Variants in CSNK1G1 observed in about 807,000 individuals in gnomAD.
The protein encoded by CSNK1G1 is casein kinase I isoform gamma-1.
A neutral mutation model predicts 59.6 loss-of-function variants in CSNK1G1; 22 were observed. That is an observed-to-expected ratio of 0.37 (90% CI 0.26 to 0.53). The LOEUF (loss-of-function observed/expected upper bound fraction) is 0.53, where lower values mean the gene tolerates loss of function less well. CSNK1G1 is among the 20% of genes least tolerant of loss of function. The probability of loss-of-function intolerance (pLI) is 0.89; values close to 1 mark genes in which losing one functional copy is unlikely to be tolerated. For missense variants in CSNK1G1, 384 were observed against 519.5 expected (o/e 0.74, Z 2.54); for synonymous variants, 179 against 177.1 (o/e 1.01, Z -0.08).
chr15:64,211,650 A>T (rs990877187), intron 6 of CSNK1G1, among the ~76,000 whole-genome samples: 2 of 152,248 alleles, frequency 1.3e-5, no homozygotes, highest in Non-Finnish European at 1.5e-5. Flanking sequence ...CATTTTACAT[A>T]CATTATCTCA....
chr15:64,296,432 A>G (rs1046859926), intron 2 of CSNK1G1, among the ~76,000 whole-genome samples: 1 of 152,106 alleles, frequency 6.6e-6, no homozygotes, highest in Non-Finnish European at 1.5e-5. Flanking sequence ...CCAATCTGCT[A>G]TATTATCACT....
intron 6 of CSNK1G1, among the ~76,000 whole-genome samples, chr15:64,213,629 T>C (rs2082274950): frequency 6.6e-6 from 1 of 152,190 alleles, no homozygotes. Flanking sequence ...TGCTATCCTC[T>C]TTTTACAATA....
At chr15:64,243,114 G>T (rs770683048) in intron 4 of CSNK1G1, among the ~76,000 whole-genome samples, 9 of 152,050 alleles carry the variant, frequency 5.9e-5, no homozygotes, top group Non-Finnish European at 4.4e-5. Flanking sequence ...GAGGAGGGCG[G>T]ATCATGAGGT....
chr15:64,281,802 G>C lies in CSNK1G1; in HGVS notation c.181+18517C>G, dbSNP rs1266374443. Among the ~76,000 whole-genome samples the C allele has an allele frequency of 1.5e-4, 18 of 119,576 alleles. No individual in the cohort carries two copies. The South Asian group carries it at 4.5e-3, about 30-fold the overall frequency. 78.4% of individuals were successfully genotyped at this position (119,576 alleles called of 152,430 possible). ...TTGCAGTGAGCCGAGACTGTGCCGAGAAAAAAAAAAAAGAAAAGAAAAAGT... is the reference window on the plus strand; with the variant it reads ...TTGCAGTGAGCCGAGACTGTGCCGACAAAAAAAAAAAAGAAAAGAAAAAGT... On this transcript the variant is annotated intron_variant, in intron 2 of 11. Transcript: ENST00000303052.
chr15:64,299,156 TCTCA>T, intron 2 of CSNK1G1, among the ~76,000 whole-genome samples: 1 of 151,892 alleles, frequency 6.6e-6, no homozygotes, highest in Admixed American at 6.6e-5. Flanking sequence ...TAATCCACAG[TCTCA>T]AGAGCTATGA....
At chr15:64,182,063 T>G (rs938691612) in intron 10 of CSNK1G1, among the ~76,000 whole-genome samples, 1 of 136,776 alleles carries the variant, frequency 7.3e-6, no homozygotes, top group African/African-American at 2.9e-5. Context: ...GTTTTTTTTT[T>G]TTTTTTTTTT....
In CSNK1G1 at chr15:64,188,867, C is replaced by T. The variant is rs1320125869; in HGVS notation, c.1108-8413G>A. ...AGATTGTTCGGAGTGGTGGCATACG[C>T]CTATAATCTCAGCACTTTGGGAGGC... is the stretch of plus-strand genomic sequence containing the variant. On this transcript the variant is annotated intron_variant, in intron 10 of 11. Coordinates refer to ENST00000303052, the MANE Select transcript of CSNK1G1 (RefSeq NM_022048.5). The surrounding 1 kb of genome is among the most constrained non-coding windows in gnomAD (Gnocchi z 4.2). Among the ~76,000 whole-genome samples the T allele has an allele frequency of 1.3e-5, 2 of 152,198 alleles. No homozygotes were observed. The highest frequency in any genetic ancestry group is 2.9e-5 in the Non-Finnish European group (2 of 68,028).
intron 4 of CSNK1G1, among the ~76,000 whole-genome samples, chr15:64,246,382 G>C (rs958950820): frequency 6.6e-6 from 1 of 152,082 alleles, no homozygotes; most frequent in Non-Finnish European, 1.5e-5. Context: ...AGCACTTTGG[G>C]CAGCCAAGGT....
intron 4 of CSNK1G1, among the ~76,000 whole-genome samples, chr15:64,241,971 A>G (rs1891488585): frequency 6.6e-6 from 1 of 152,280 alleles, no homozygotes; most frequent in Admixed American, 6.5e-5. Context: ...AGACTAACCA[A>G]GAAAAAAATG....
At chr15:64,321,101 A>C (rs2140439152) in intron 1 of CSNK1G1, among the ~76,000 whole-genome samples, 1 of 152,270 alleles carries the variant, frequency 6.6e-6, no homozygotes, top group African/African-American at 2.4e-5. Context: ...AATAAGTTTA[A>C]TTCATTTCTG....
At chr15:64,181,053 TCA>T (rs1363188528) in intron 10 of CSNK1G1, 1 of 1,096,290 alleles carries the variant, frequency 9.1e-7, no homozygotes, top group African/African-American at 1.6e-5. Flanking sequence ...CTATAAATAA[TCA>T]CACTTTCCTT....
intron 1 of CSNK1G1, among the ~76,000 whole-genome samples, chr15:64,302,559 T>C (rs1380074877): frequency 6.6e-6 from 1 of 152,176 alleles, no homozygotes; most frequent in Admixed American, 6.6e-5. Context: ...TGAACAACAT[T>C]AAGAATTCAT....
At chr15:64,179,838 T>A (rs1338570990) in intron 11 of CSNK1G1, among the ~76,000 whole-genome samples, 2 of 152,176 alleles carry the variant, frequency 1.3e-5, no homozygotes, top group Non-Finnish European at 2.9e-5. Context: ...TTTCCCACAC[T>A]CTCATTCACA....
At chr15:64,201,224 A>G (rs978775781) in intron 10 of CSNK1G1, among the ~76,000 whole-genome samples, 20 of 146,676 alleles carry the variant, frequency 1.4e-4, no homozygotes, top group Admixed American at 6.2e-4. Context: ...GTAATCTGAG[A>G]TTGCACCACT....
intron 2 of CSNK1G1, among the ~76,000 whole-genome samples, chr15:64,286,885 T>A (rs1451219239): frequency 2.0e-5 from 3 of 152,240 alleles, no homozygotes; most frequent in African/African-American, 7.2e-5. Flanking sequence ...TGACGATTAA[T>A]GTTGGGGATG....
chr15:64,279,451 C>T (rs1022506403), intron 2 of CSNK1G1, among the ~76,000 whole-genome samples: 4 of 152,126 alleles, frequency 2.6e-5, no homozygotes. Context: ...TTCTTGCATG[C>T]ATTAGTAGTT....
intron 2 of CSNK1G1, among the ~76,000 whole-genome samples, chr15:64,273,225 T>C (rs956293832): frequency 2.6e-5 from 4 of 152,190 alleles, no homozygotes; most frequent in African/African-American, 9.7e-5. Context: ...TATTTTATTA[T>C]ATAATGTACA....
At chr15:64,312,287 G>A (rs4777104) in intron 1 of CSNK1G1, among the ~76,000 whole-genome samples, 122,419 of 152,126 alleles carry the variant, frequency 0.8, 50,395 homozygotes, top group East Asian at 0.95. Flanking sequence ...AAAAGAGCCC[G>A]CATAGCCAAG....
In CSNK1G1 at chr15:64,246,605, A is replaced by G. The variant is rs1891766448; in HGVS notation, c.292+4907T>C. Among the ~76,000 whole-genome samples the G allele has an allele frequency of 2.2e-5, 3 of 135,004 alleles. No individual in the cohort carries two copies. The South Asian group carries it at 8.5e-4, about 38-fold the overall frequency. 88.6% of individuals were successfully genotyped at this position (135,004 alleles called of 152,430 possible). The stretch of plus-strand genomic sequence containing the variant: ...ACCACTACACTCTAGCCTCAGAATC[A>G]GAGCAAGAGTCCGTCTCTTTAAAAA... On this transcript the variant is annotated intron_variant, in intron 4 of 11. Transcript: ENST00000303052.
Sources: allele counts gnomAD v4.1 joint callset (sites outside exome capture counted in the v4.1 genomes callset), GRCh38; gene constraint gnomAD v4.1.1; non-coding constraint Gnocchi (gnomAD v3.1); transcripts MANE v1.5; gene names NCBI Gene and HGNC (gene_info 2026-07-23, HGNC 2026-07-21).